Variants in SERGEF observed in about 807,000 individuals in gnomAD.
SERGEF encodes secretion regulating guanine nucleotide exchange factor.
Under a neutral mutation model 50.0 loss-of-function variants are expected in SERGEF, and 51 were observed. That is an observed-to-expected ratio of 1.02 (90% CI 0.81 to 1.29). SERGEF has a LOEUF of 1.29. Ranked by LOEUF, SERGEF falls within the 50% of genes most tolerant of loss-of-function variation. The pLI is 0.00. For missense variants in SERGEF, 521 were observed against 557.0 expected (o/e 0.94, Z 0.65); for synonymous variants, 205 against 212.4 (o/e 0.97, Z 0.30).
At chr11:17,995,059 T>C (rs373204427) in intron 6 of SERGEF, among the ~76,000 whole-genome samples, 1 of 151,548 alleles carries the variant, frequency 6.6e-6, no homozygotes, top group Middle Eastern at 3.4e-3. Context: ...TGGTGCTGTA[T>C]ACAGAGGGAG....
intron 10 of SERGEF, among the ~76,000 whole-genome samples, chr11:17,835,241 A>G (rs1431495935): frequency 1.3e-5 from 2 of 152,220 alleles, no homozygotes; most frequent in Admixed American, 6.5e-5. Flanking sequence ...TTAAGGCCTA[A>G]GATGATTTTC....
chr11:17,979,183 C>A (rs965473562), intron 8 of SERGEF, among the ~76,000 whole-genome samples: 1 of 152,086 alleles, frequency 6.6e-6, no homozygotes, highest in Non-Finnish European at 1.5e-5. Flanking sequence ...CTGGTGGGTA[C>A]CTGCAAACCA....
chr11:17,859,009 G>A (rs1850875798), intron 10 of SERGEF, among the ~76,000 whole-genome samples: 1 of 152,128 alleles, frequency 6.6e-6, no homozygotes, highest in Admixed American at 6.5e-5. Context: ...AACCCAACCA[G>A]AAGCCAGAGG....
rs553850420 is a variant in SERGEF at position 17,961,968 on chromosome 11, C to A, written c.845-2332G>T. Among the ~76,000 whole-genome samples, 107 of 152,282 alleles carry A rather than the reference C, an allele frequency of 7.0e-4. No individual in the cohort carries two copies. The Middle Eastern group carries it at 0.01, about 15-fold the overall frequency. On this transcript the variant is annotated intron_variant, in intron 8 of 10. Transcript: ENST00000265965. ...CGCTGGCTCAATCCTCACAATAATG[C>A]TATGGCATATAGAGTATTAAGCTTA...
intron 9 of SERGEF, among the ~76,000 whole-genome samples, chr11:17,914,190 G>A (rs1021399618): frequency 1.3e-5 from 2 of 152,176 alleles, no homozygotes; most frequent in Non-Finnish European, 2.9e-5. Context: ...CATCTGGAAT[G>A]CTTCCTTCTT....
intron 1 of SERGEF, chr11:18,010,186 T>C (rs753215525): frequency 1.4e-5 from 10 of 714,366 alleles, no homozygotes; most frequent in South Asian, 8.0e-5. Context: ...AATACATATA[T>C]ACATACTTAC....
At chr11:17,898,520 T>C (rs1397267376) in intron 9 of SERGEF, among the ~76,000 whole-genome samples, 1 of 152,224 alleles carries the variant, frequency 6.6e-6, no homozygotes, top group African/African-American at 2.4e-5. Context: ...TTATTTAGCA[T>C]CTTGGACAAA....
intron 9 of SERGEF, among the ~76,000 whole-genome samples, chr11:17,901,559 C>T (rs1851749793): frequency 6.6e-6 from 1 of 152,210 alleles, no homozygotes; most frequent in Non-Finnish European, 1.5e-5. Context: ...TTTCTAATGG[C>T]ACTACCAGCA....
At chr11:17,797,316 C>T (rs776269992) in intron 10 of SERGEF, among the ~76,000 whole-genome samples, 13 of 152,310 alleles carry the variant, frequency 8.5e-5, no homozygotes, top group Non-Finnish European at 1.5e-4. Flanking sequence ...TATCATGATC[C>T]ACTCTGCTAA....
intron 9 of SERGEF, among the ~76,000 whole-genome samples, chr11:17,895,408 C>T (rs1020202573): frequency 1.3e-5 from 2 of 152,174 alleles, no homozygotes; most frequent in Admixed American, 6.5e-5. Flanking sequence ...ACTGGTGCCA[C>T]GTAACCCAGC....
At chr11:17,832,150 T>C (rs1007221835) in intron 10 of SERGEF, among the ~76,000 whole-genome samples, 22 of 152,196 alleles carry the variant, frequency 1.4e-4, no homozygotes, top group African/African-American at 4.8e-4. Flanking sequence ...TTTGGCTGTG[T>C]CCCCATCCAA....
At chr11:17,822,067 C>G (rs139862092) in intron 10 of SERGEF, among the ~76,000 whole-genome samples, 6 of 152,262 alleles carry the variant, frequency 3.9e-5, no homozygotes, top group African/African-American at 1.4e-4. Flanking sequence ...ATAGACAGAA[C>G]CTTATGACTG....
intron 10 of SERGEF, among the ~76,000 whole-genome samples, chr11:17,862,856 T>G (rs1003900247): frequency 6.6e-6 from 1 of 152,214 alleles, no homozygotes; most frequent in Non-Finnish European, 1.5e-5. Flanking sequence ...GGTTGTCCCC[T>G]AGTTGCTATG....
chr11:17,832,605 C>A (rs1212395121), intron 10 of SERGEF, among the ~76,000 whole-genome samples: 1 of 152,096 alleles, frequency 6.6e-6, no homozygotes, highest in East Asian at 1.9e-4. Context: ...CAGAAGAAGA[C>A]AGGAAAATGT....
In SERGEF at chr11:18,012,966, G is replaced by C. The variant is rs968193055; in HGVS notation, c.45C>G (p.Ala15=). 1.3e-5 allele frequency: 19 copies of C among 1,477,498 alleles called. No individual in the cohort carries two copies. Among genetic ancestry groups the C allele is most frequent in the East Asian group, 2.9e-5 (1 of 35,016 alleles). The allele number at this position is 1,477,498 out of a possible 1,614,324, so 91.5% of individuals were successfully genotyped here. Residue 15 remains alanine (A), a synonymous_variant, in exon 1 of 11, where the codon GCC becomes GCG. Coordinates refer to ENST00000265965, the MANE Select transcript of SERGEF (RefSeq NM_012139.4). ...AGTCACGTACCCAGGCGAAGAGCGCGGCCGCCGCGGGGGCGGCCTCCGAGG... is the reference window on the plus strand; with the variant it reads ...AGTCACGTACCCAGGCGAAGAGCGCCGCCGCCGCGGGGGCGGCCTCCGAGG... ...PSASEAAPAA[A]ALFAWGANSY... is the part of the protein sequence containing the mutation.
intron 9 of SERGEF, among the ~76,000 whole-genome samples, chr11:17,908,185 C>T (rs1048079653): frequency 1.3e-5 from 2 of 152,068 alleles, no homozygotes; most frequent in African/African-American, 4.8e-5. Flanking sequence ...TTTCAATGGC[C>T]CCTCATCACC....
intron 9 of SERGEF, among the ~76,000 whole-genome samples, chr11:17,917,019 A>G (rs866097087): frequency 6.6e-6 from 1 of 152,238 alleles, no homozygotes; most frequent in Non-Finnish European, 1.5e-5. Flanking sequence ...GATTCCTTAA[A>G]GAACTAAAAG....
intron 9 of SERGEF, among the ~76,000 whole-genome samples, chr11:17,929,074 C>T (rs553639816): frequency 7.2e-5 from 11 of 152,146 alleles, no homozygotes; most frequent in Non-Finnish European, 1.6e-4. Flanking sequence ...AGCAGAATTA[C>T]AGAACACTTT....
intron 10 of SERGEF, among the ~76,000 whole-genome samples, chr11:17,796,038 T>C (rs934043899): frequency 1.3e-5 from 2 of 152,216 alleles, no homozygotes; most frequent in Non-Finnish European, 2.9e-5. Flanking sequence ...TATTTTTATA[T>C]GTACAAATGG....
Sources: allele counts gnomAD v4.1 joint callset (sites outside exome capture counted in the v4.1 genomes callset), GRCh38; gene constraint gnomAD v4.1.1; transcripts MANE v1.5; gene names NCBI Gene and HGNC (gene_info 2026-07-23, HGNC 2026-07-21).